Variants in FADS2 observed in about 807,000 individuals in gnomAD.
FADS2 encodes the protein acyl-CoA 6-desaturase.
Under a neutral mutation model 61.2 loss-of-function variants are expected in FADS2, and 18 were observed. The ratio of observed to expected loss-of-function variants is 0.29; its 90% CI spans 0.20 to 0.44. The LOEUF is 0.44. Ranked by LOEUF, FADS2 falls within the 20% of genes least tolerant of loss-of-function variation. The pLI is 1.00. For missense variants in FADS2, 322 were observed against 572.7 expected (o/e 0.56, Z 4.47); for synonymous variants, 203 against 223.9 (o/e 0.91, Z 0.83).
chr11:61,853,290 C>CCCTTCCCTCCCTCCCTCCCTT (rs2067325899), intron 5 of FADS2, among the ~76,000 whole-genome samples: 1 of 81,692 alleles, frequency 1.2e-5, no homozygotes, highest in Non-Finnish European at 2.2e-5. Flanking sequence ...CTCCCTCCCT[C>CCCTTCCCTCCCTCCCTCCCTT]CCTTCCTTCC....
intron 10 of FADS2, among the ~76,000 whole-genome samples, chr11:61,864,825 C>T (rs1200020155): frequency 2.0e-5 from 3 of 152,218 alleles, no homozygotes; most frequent in African/African-American, 4.8e-5. Context: ...CGTGAGCCAC[C>T]GTGCCTCACC....
At chr11:61,827,126 C>G (rs2067092078), upstream of FADS2, among the ~76,000 whole-genome samples, 2 of 152,196 alleles carry the variant, frequency 1.3e-5, no homozygotes, top group Non-Finnish European at 2.9e-5. This position sits in a 1 kb window ranked among gnomAD's most constrained non-coding sequence, Gnocchi z 4.5. Context: ...CAGTCAGGCC[C>G]ATTTCCCCCA....
At chr11:61,828,025 G>A, upstream of FADS2, 1 of 1,138,486 alleles carries the variant, frequency 8.8e-7, no homozygotes, top group Non-Finnish European at 1.1e-6. The surrounding 1 kb of genome is among the most constrained non-coding windows in gnomAD (Gnocchi z 6.4). Flanking sequence ...GGGAACGCGG[G>A]AGGATGTGGA....
chr11:61,828,628 T>C lies in FADS2; in HGVS notation c.207+31T>C, dbSNP rs1445735481. 1 of 1,586,364 alleles carries C rather than the reference T, an allele frequency of 6.3e-7. No individual in the cohort carries two copies. The highest frequency in any genetic ancestry group is 2.3e-5 in the East Asian group (1 of 44,260). On this transcript the variant is annotated intron_variant, in intron 1 of 11. Coordinates refer to ENST00000278840, the MANE Select transcript of FADS2 (RefSeq NM_004265.4). The surrounding 1 kb of genome is among the most constrained non-coding windows in gnomAD (Gnocchi z 6.4). ...GGTCTGGGGGCGCCCCAGCCACCCT[T>C]CTCTGCTGCAGGCGGAGTCAGGATC... is the stretch of plus-strand genomic sequence containing the variant.
intron 6 of FADS2, 131 bp downstream of exon 6, chr11:61,857,202 A>G (rs2067367573): frequency 4.7e-6 from 4 of 854,364 alleles, no homozygotes; most frequent in Admixed American, 2.0e-5. Context: ...CGGGGGCCAC[A>G]GCAGCCTTGC....
Position 61,828,663 on chromosome 11 carries a change from C to G in FADS2, c.207+66C>G. The G allele has an allele frequency of 6.9e-7, 1 of 1,454,820 alleles. No homozygotes were observed. Among genetic ancestry groups the G allele is most frequent in the Non-Finnish European group, 9.4e-7 (1 of 1,060,996 alleles). 90.1% of individuals were successfully genotyped at this position (1,454,820 alleles called of 1,614,324 possible). A position where few individuals can be genotyped will look rare whatever the true frequency, so the allele number is the denominator to read the frequency against. The stretch of plus-strand genomic sequence containing the variant: ...AGGCGGAGTCAGGATCCCTGGCTCC[C>G]CGTGGGCCAAACAGACCTCCGGCGC... On this transcript the variant is annotated intron_variant, in intron 1 of 11. Coordinates refer to ENST00000278840, the MANE Select transcript of FADS2 (RefSeq NM_004265.4). The surrounding 1 kb of genome is among the most constrained non-coding windows in gnomAD (Gnocchi z 6.4).
intron 7 of FADS2, 165 bp from the exon 8 acceptor site, chr11:61,862,807 C>G: frequency 1.6e-6 from 1 of 628,436 alleles, no homozygotes; most frequent in Non-Finnish European, 2.9e-6. Context: ...GGCAGCCATG[C>G]AAACCCCGAG....
chr11:61,859,087 CGCTCTTGTTGCCCAG>C (rs1022996216), intron 7 of FADS2, among the ~76,000 whole-genome samples: 24 of 151,836 alleles, frequency 1.6e-4, no homozygotes, highest in African/African-American at 5.8e-4. Context: ...GGTGGAGTTT[CGCTCTTGTTGCCCAG>C]GCTGGAGTAC....
At position 61,828,862 on chromosome 11, in the gene FADS2, G is replaced by A. The variant is rs554878044; in HGVS notation, c.207+265G>A. ...GTGGAGAACAGGGCAAGCATCTACCGCGCGCGCCGGGACCCACGCGTCCTC... is the reference window on the plus strand; with the variant it reads ...GTGGAGAACAGGGCAAGCATCTACCACGCGCGCCGGGACCCACGCGTCCTC... On this transcript the variant is annotated intron_variant, in intron 1 of 11. Coordinates refer to ENST00000278840, the MANE Select transcript of FADS2 (RefSeq NM_004265.4). This position sits in a 1 kb window ranked among gnomAD's most constrained non-coding sequence, Gnocchi z 6.4. Among the ~76,000 whole-genome samples the A allele has an allele frequency of 2.6e-5, 4 of 152,308 alleles. No homozygotes were observed. The East Asian group carries it at 7.7e-4, about 29-fold the overall frequency.
chr11:61,817,480 A>G (rs2066998150), intron 1 of FADS2, among the ~76,000 whole-genome samples: 1 of 152,172 alleles, frequency 6.6e-6, no homozygotes, highest in South Asian at 2.1e-4. Flanking sequence ...AATTTGTTCA[A>G]TGAAACATTT....
upstream of FADS2, among the ~76,000 whole-genome samples, chr11:61,824,443 GGA>G (rs2067058538): frequency 2.0e-4 from 1 of 5,048 alleles, no homozygotes; most frequent in African/African-American, 6.3e-4. Flanking sequence ...AGGGAGGGAG[GGA>G]GGGAGGGAGG....
rs371126461 is a variant in FADS2 at position 61,816,300 on chromosome 11, G to A, written c.15G>A (p.Glu5=). 1.0e-5 allele frequency: 16 copies of A among 1,598,258 alleles called. No individual in the cohort carries two copies. In the African/African-American group the frequency reaches 2.1e-4, roughly 21 times the overall value. The change falls in exon 1 of 12, where the codon GAG becomes GAA. Residue 5 remains glutamate (E), a synonymous_variant. Coordinates refer to the FADS2 transcript ENST00000257261. The surrounding 1 kb of genome is among the most constrained non-coding windows in gnomAD (Gnocchi z 7.0). ...CTGCAGATGGAATGCACGGCAGGGA[G>A]GCGGGACCCTTTGTTTGTGTGTGCG...
At chr11:61,850,037 T>TA (rs1217415033) in intron 5 of FADS2, among the ~76,000 whole-genome samples, 8 of 151,838 alleles carry the variant, frequency 5.3e-5, no homozygotes, top group East Asian at 1.9e-4. Flanking sequence ...GTCTCAAAAA[T>TA]AAAAAAATAA....
In FADS2 at chr11:61,841,726, A is replaced by T. The variant is rs529086196; in HGVS notation, c.618+1001A>T. ...GCCTTCCGTTATATATGAGTCTTTT[A>T]TCTCAAGCCACTTCAAATACTCTTT... On this transcript the variant is annotated intron_variant, in intron 4 of 11. Transcript: ENST00000278840. 3.3e-5 allele frequency among the ~76,000 whole-genome samples: 5 copies of T among 152,234 alleles called. No individual in the cohort carries two copies. In the South Asian group the frequency reaches 8.3e-4, roughly 25 times the overall value.
chr11:61,841,201 G>A (rs377107010), intron 4 of FADS2, among the ~76,000 whole-genome samples: 10 of 151,822 alleles, frequency 6.6e-5, no homozygotes, highest in Middle Eastern at 6.8e-3. Flanking sequence ...ACAGGCACTC[G>A]CCACCATGCC....
At chr11:61,833,758 T>C (rs1321370325) in intron 1 of FADS2, among the ~76,000 whole-genome samples, 2 of 152,226 alleles carry the variant, frequency 1.3e-5, no homozygotes, top group African/African-American at 4.8e-5. Context: ...GCTTTTGGTG[T>C]TCCAGAGGCA....
At chr11:61,846,736 G>A (rs1044645410) in intron 4 of FADS2, 2 of 152,066 alleles carry the variant, frequency 1.3e-5, no homozygotes, top group Admixed American at 6.6e-5. Context: ...CTGAGGAGAC[G>A]GACACCTGTG....
chr11:61,860,782 G>T (rs572443186), intron 7 of FADS2, among the ~76,000 whole-genome samples: 3 of 152,124 alleles, frequency 2.0e-5, no homozygotes, highest in Non-Finnish European at 4.4e-5. Context: ...GGTGATGCGC[G>T]CCTGTAATCT....
intron 1 of FADS2, among the ~76,000 whole-genome samples, chr11:61,830,235 G>C (rs773308963): frequency 1.2e-4 from 18 of 152,236 alleles, no homozygotes; most frequent in Non-Finnish European, 2.2e-4. Flanking sequence ...AATTGTAGAA[G>C]GTTCCTGTCC....
Sources: allele counts gnomAD v4.1 joint callset (sites outside exome capture counted in the v4.1 genomes callset), GRCh38; gene constraint gnomAD v4.1.1; non-coding constraint Gnocchi (gnomAD v3.1); transcripts MANE v1.5; gene names NCBI Gene and HGNC (gene_info 2026-07-23, HGNC 2026-07-21).